CDH12: variants seen among roughly 807,000 people sequenced by gnomAD.
CDH12 encodes cadherin 12.
In CDH12, 41 loss-of-function variants were observed where a neutral mutation model predicts 74.1. The observed-to-expected ratio is 0.55, with a 90% CI of 0.43 to 0.72. The LOEUF (loss-of-function observed/expected upper bound fraction) is 0.72. Among genes scored for constraint, CDH12 ranks in the 30% least tolerant of loss-of-function variants. The probability of loss-of-function intolerance (pLI) is 0.00; values close to 1 mark genes in which losing one functional copy is unlikely to be tolerated. For synonymous variants in CDH12, 399 were observed against 355.0 expected, an observed-to-expected ratio of 1.12 and a Z score of -1.39; for missense variants, 945 against 977.2, an observed-to-expected ratio of 0.97 and a Z score of 0.44.
intron 1 of CDH12, among the ~76,000 whole-genome samples, chr5:22,594,969 T>C (rs1332102649): frequency 6.6e-6 from 1 of 152,164 alleles, no homozygotes; most frequent in Non-Finnish European, 1.5e-5. Flanking sequence ...ATTCAGAACA[T>C]AATAATGTCC....
At chr5:22,097,923 C>A (rs1743889943) in intron 4 of CDH12, among the ~76,000 whole-genome samples, 1 of 151,416 alleles carries the variant, frequency 6.6e-6, no homozygotes, top group Admixed American at 6.6e-5. Context: ...CCTTACAATT[C>A]CCCCATTTCA....
At chr5:22,393,701 T>G (rs1742341210) in intron 3 of CDH12, among the ~76,000 whole-genome samples, 1 of 152,124 alleles carries the variant, frequency 6.6e-6, no homozygotes, top group Admixed American at 6.6e-5. Flanking sequence ...TAGATGGAAT[T>G]GAGAAACATG....
intron 2 of CDH12, among the ~76,000 whole-genome samples, chr5:22,491,574 A>G (rs924926765): frequency 6.6e-6 from 1 of 150,462 alleles, no homozygotes; most frequent in Non-Finnish European, 1.5e-5. Context: ...CTTGGACCAC[A>G]CAGAAAATAC....
intron 1 of CDH12, among the ~76,000 whole-genome samples, chr5:22,770,170 C>T (rs1746734290): frequency 6.6e-6 from 1 of 151,138 alleles, no homozygotes; most frequent in African/African-American, 2.4e-5. Flanking sequence ...AAACTAATTC[C>T]AAAAGAGACT....
chr5:22,679,174 C>A (rs932755532), intron 1 of CDH12, among the ~76,000 whole-genome samples: 5 of 152,056 alleles, frequency 3.3e-5, no homozygotes, highest in Non-Finnish European at 5.9e-5. Flanking sequence ...ATGATGTCAC[C>A]ATTCTTATCA....
intron 5 of CDH12, among the ~76,000 whole-genome samples, chr5:22,023,818 G>A (rs2150164406): frequency 6.6e-6 from 1 of 152,230 alleles, no homozygotes; most frequent in East Asian, 1.9e-4. Context: ...TGTGTTTAGG[G>A]CTTTCTAGAG....
chr5:22,623,547 G>T (rs945736511), intron 1 of CDH12, among the ~76,000 whole-genome samples: 1 of 152,124 alleles, frequency 6.6e-6, no homozygotes, highest in Non-Finnish European at 1.5e-5. Flanking sequence ...CAAATCATGA[G>T]TGAACTCCCA....
rs1005641255 is a variant in CDH12 at position 21,883,494 on chromosome 5, G to A, written c.527-28704C>T. 6.2e-6 allele frequency: 10 copies of A among 1,612,836 alleles called. No individual in the cohort carries two copies. The South Asian group carries it at 9.9e-5, about 16-fold the overall frequency. On this transcript the variant is annotated intron_variant, in intron 6 of 14. Transcript: ENST00000382254. ...TGGTCTTCAGGTTGTGGCAGTCAAG[G>A]CTCCAGGGTTTGGTGACAATAGAAA... is the stretch of plus-strand genomic sequence containing the variant.
intron 3 of CDH12, among the ~76,000 whole-genome samples, chr5:22,330,923 G>A (rs1233388283): frequency 6.6e-6 from 1 of 151,982 alleles, no homozygotes; most frequent in Non-Finnish European, 1.5e-5. Flanking sequence ...TGAGCACACT[G>A]CCCTAAAGTG....
intron 6 of CDH12, among the ~76,000 whole-genome samples, chr5:21,948,074 T>C (rs1335062185): frequency 2.0e-5 from 3 of 152,198 alleles, no homozygotes; most frequent in Non-Finnish European, 2.9e-5. Context: ...TGGAAATGCC[T>C]GGATGTCCAG....
At chr5:21,824,764 T>C (rs1407560543) in intron 8 of CDH12, among the ~76,000 whole-genome samples, 2 of 152,154 alleles carry the variant, frequency 1.3e-5, no homozygotes, top group Non-Finnish European at 2.9e-5. Flanking sequence ...CCACTCACTT[T>C]TAGTAGACAG....
intron 6 of CDH12, among the ~76,000 whole-genome samples, chr5:21,863,658 A>T (rs1751171222): frequency 6.6e-6 from 1 of 152,158 alleles, no homozygotes; most frequent in African/African-American, 2.4e-5. Context: ...TTCAATACTA[A>T]ATTGGGGGTT....
intron 1 of CDH12, among the ~76,000 whole-genome samples, chr5:22,575,878 T>C (rs1019262747): frequency 4.0e-5 from 6 of 151,788 alleles, no homozygotes; most frequent in African/African-American, 1.5e-4. Context: ...TTTTTTTTTA[T>C]ATTATATTTA....
chr5:22,313,215 A>T (rs760354873), intron 3 of CDH12, among the ~76,000 whole-genome samples: 12 of 152,210 alleles, frequency 7.9e-5, no homozygotes, highest in Admixed American at 2.0e-4. Flanking sequence ...AAATGCCCCA[A>T]GGACCTCAGA....
At chr5:22,221,547 T>G (rs747756429) in intron 3 of CDH12, among the ~76,000 whole-genome samples, 2 of 151,912 alleles carry the variant, frequency 1.3e-5, no homozygotes, top group Non-Finnish European at 2.9e-5. Context: ...ACCTTGAGAA[T>G]TTAGTCTTGT....
At chr5:22,318,888 AAAAC>A (rs1348138823) in intron 3 of CDH12, among the ~76,000 whole-genome samples, 2 of 152,316 alleles carry the variant, frequency 1.3e-5, no homozygotes, top group East Asian at 3.9e-4. Flanking sequence ...AGGGGAAAAA[AAAAC>A]AGTTAATGGC....
chr5:22,631,956 C>G (rs1324959635), intron 1 of CDH12, among the ~76,000 whole-genome samples: 3 of 152,022 alleles, frequency 2.0e-5, no homozygotes, highest in Non-Finnish European at 2.9e-5. Context: ...CCCACCAGGC[C>G]CTACCTGCAA....
At chr5:22,418,912 A>G (rs1414616164) in intron 2 of CDH12, among the ~76,000 whole-genome samples, 1 of 152,068 alleles carries the variant, frequency 6.6e-6, no homozygotes, top group African/African-American at 2.4e-5. Flanking sequence ...ATAAATATAA[A>G]TAGCTTTTCT....
chr5:22,639,109 GT>G, intron 1 of CDH12: 1 of 140,492 alleles, frequency 7.1e-6, no homozygotes, highest in Non-Finnish European at 1.5e-5. Flanking sequence ...AGAAGCAGAC[GT>G]TTTGGCTAAA....
Sources: gnomAD v4.1 joint callset for allele counts (sites outside exome capture counted in the v4.1 genomes callset) on GRCh38, gnomAD v4.1.1 for gene constraint, MANE v1.5 for transcripts, NCBI Gene and HGNC (gene_info 2026-07-23, HGNC 2026-07-21) for gene names.